The following PCDHGB1 variants were observed in gnomAD, a reference collection of about 807,000 sequenced individuals.
PCDHGB1 encodes protocadherin gamma-B1.
Under a neutral mutation model 56.6 loss-of-function variants are expected in PCDHGB1, and 34 were observed. The ratio of observed to expected loss-of-function variants is 0.60; its 90% CI spans 0.46 to 0.80. The LOEUF (loss-of-function observed/expected upper bound fraction) is 0.80, where lower values mean the gene tolerates loss of function less well. Ranked by LOEUF, PCDHGB1 falls within the 30% of genes least tolerant of loss-of-function variation. The probability of loss-of-function intolerance (pLI) is 0.00; values close to 1 mark genes in which losing one functional copy is unlikely to be tolerated. For missense variants in PCDHGB1, 1,278 were observed against 1,204.6 expected, an observed-to-expected ratio of 1.06 and a Z score of -0.90; for synonymous variants, 561 against 505.9, an observed-to-expected ratio of 1.11 and a Z score of -1.46.
At chr5:141,364,970 G>C in intron 1 of PCDHGB1, 2 of 1,613,914 alleles carry the variant, frequency 1.2e-6, no homozygotes, top group Non-Finnish European at 1.7e-6. Flanking sequence ...CCTCCTCACA[G>C]CTTTAGATGG....
chr5:141,375,966 C>T lies in PCDHGB1; in HGVS notation c.2409+23297C>T, dbSNP rs373365863. ...GGCCTGCACACGGGCGAGGTGCGCACGGCGCGCGCCCTGCTGGACAGAGAC... is the reference window on the plus strand; with the variant it reads ...GGCCTGCACACGGGCGAGGTGCGCATGGCGCGCGCCCTGCTGGACAGAGAC... On this transcript the variant is annotated intron_variant, in intron 1 of 3. Transcript: ENST00000523390. 30 of 1,613,374 alleles carry T rather than the reference C, an allele frequency of 1.9e-5. No individual in the cohort carries two copies. The Admixed American group carries it at 2.3e-4, about 13-fold the overall frequency.
chr5:141,389,771 C>T lies in PCDHGB1; in HGVS notation c.2409+37102C>T, dbSNP rs1239854891. 4 of 1,613,088 alleles carry T rather than the reference C, an allele frequency of 2.5e-6. No homozygotes were observed. The Admixed American group carries it at 5.0e-5, about 20-fold the overall frequency. ...CGGGCGAAGTGCGCACAGCGCGTGC[C>T]TTAGGCGACAGGGACGCCGTCCGCC... is the stretch of plus-strand genomic sequence containing the variant. On this transcript the variant is annotated intron_variant, in intron 1 of 3. Coordinates refer to ENST00000523390, the MANE Select transcript of PCDHGB1 (RefSeq NM_018922.3).
intron 1 of PCDHGB1, chr5:141,430,525 G>C (rs1354801907): frequency 3.3e-5 from 12 of 365,842 alleles, no homozygotes; most frequent in Admixed American, 1.3e-4. Context: ...GCAGTAATTG[G>C]TTAGGACTCT....
intron 1 of PCDHGB1, among the ~76,000 whole-genome samples, chr5:141,475,520 C>T (rs2099364531): frequency 6.6e-6 from 1 of 152,204 alleles, no homozygotes; most frequent in Non-Finnish European, 1.5e-5. Context: ...CACGGAAATG[C>T]TAAATGCCTC....
chr5:141,388,907 C>T (rs1321583045), intron 1 of PCDHGB1: 5 of 1,613,786 alleles, frequency 3.1e-6, no homozygotes, highest in African/African-American at 1.3e-5. Context: ...AAAATGACAA[C>T]GCCCCAGAAG....
At chr5:141,419,246 GAAAACAACCAGCC>G (rs749331717) in intron 1 of PCDHGB1, 1 of 1,614,004 alleles carries the variant, frequency 6.2e-7, no homozygotes, top group South Asian at 1.1e-5. Flanking sequence ...CCACGTGCCA[GAAAACAACCAGCC>G]GGGTGCCTCC....
rs371490086 is a variant in PCDHGB1, at chr5:141,405,329, G to T, written c.2409+52660G>T. 3 of 1,614,168 alleles carry T rather than the reference G, an allele frequency of 1.9e-6. No individual in the cohort carries two copies. Among genetic ancestry groups the T allele is most frequent in the Non-Finnish European group, 2.5e-6 (3 of 1,180,010 alleles). On this transcript the variant is annotated intron_variant, in intron 1 of 3. Coordinates refer to ENST00000523390, the MANE Select transcript of PCDHGB1 (RefSeq NM_018922.3). The stretch of plus-strand genomic sequence containing the variant: ...CTGTGAGAAAAATGAGCCTTTGTGC[G>T]TCTCTGTTGATTCCAAGTTTCCTAT...
intron 1 of PCDHGB1, chr5:141,374,044 T>C: frequency 6.8e-7 from 1 of 1,465,536 alleles, no homozygotes; most frequent in Non-Finnish European, 9.0e-7. Flanking sequence ...GATCTGTTCT[T>C]CCTCTTCTTA....
intron 1 of PCDHGB1, chr5:141,422,603 C>G: frequency 6.2e-7 from 1 of 1,614,078 alleles, no homozygotes; most frequent in Non-Finnish European, 8.5e-7. Context: ...TCCTCTTACT[C>G]TGCCTACATT....
In PCDHGB1 at chr5:141,485,792, G is replaced by A. The variant is rs114766079; in HGVS notation, c.2410-9015G>A. The A allele has an allele frequency of 6.2e-7, 1 of 1,614,236 alleles. No homozygotes were observed. Among genetic ancestry groups the A allele is most frequent in the East Asian group, 2.2e-5 (1 of 44,880 alleles). ...GCCTTTGGATCGAGAGAAGCAATCG[G>A]ACTACCGCCTGGTGCTGACTGCTGT... On this transcript the variant is annotated intron_variant, in intron 1 of 3. Coordinates refer to ENST00000523390, the MANE Select transcript of PCDHGB1 (RefSeq NM_018922.3). This position sits in a 1 kb window ranked among gnomAD's most constrained non-coding sequence, Gnocchi z 5.7.
intron 1 of PCDHGB1, among the ~76,000 whole-genome samples, chr5:141,425,997 A>T (rs1365887915): frequency 6.6e-6 from 1 of 152,174 alleles, no homozygotes; most frequent in African/African-American, 2.4e-5. Context: ...GAATTAGCAA[A>T]GGCTTCCGGC....
intron 1 of PCDHGB1, among the ~76,000 whole-genome samples, chr5:141,492,808 A>C (rs1261752522): frequency 6.6e-6 from 1 of 152,252 alleles, no homozygotes; most frequent in African/African-American, 2.4e-5. Flanking sequence ...CTGGGACTCC[A>C]GTGGCACCAG....
At chr5:141,355,389 A>G (rs911908895) in intron 1 of PCDHGB1, 2 of 1,614,068 alleles carry the variant, frequency 1.2e-6, no homozygotes, top group Non-Finnish European at 1.7e-6. Context: ...CGGAGCGCGG[A>G]GTCCGCATCG....
intron 1 of PCDHGB1, chr5:141,385,071 G>T (rs1325191501): frequency 6.2e-7 from 1 of 1,614,088 alleles, no homozygotes; most frequent in Non-Finnish European, 8.5e-7. Flanking sequence ...AGTCACGCCT[G>T]CTGCAGGCTT....
chr5:141,381,817 T>TTTC (rs1262770842), intron 1 of PCDHGB1, among the ~76,000 whole-genome samples: 10 of 136,280 alleles, frequency 7.3e-5, no homozygotes, highest in East Asian at 4.1e-4. Context: ...TCTTTCTTTC[T>TTTC]TTCTTCTTCT....
chr5:141,458,409 G>A (rs188300064), intron 1 of PCDHGB1, among the ~76,000 whole-genome samples: 2 of 152,126 alleles, frequency 1.3e-5, no homozygotes, highest in East Asian at 1.9e-4. Context: ...GAGACGGAGC[G>A]GGGGTTCCAA....
intron 1 of PCDHGB1, chr5:141,399,573 A>T (rs1431985190): frequency 6.2e-7 from 1 of 1,614,020 alleles, no homozygotes; most frequent in Admixed American, 1.7e-5. Flanking sequence ...TGAACGGCCA[A>T]GTCTCCTACT....
chr5:141,430,635 T>A, intron 1 of PCDHGB1: 3 of 881,948 alleles, frequency 3.4e-6, no homozygotes, highest in Non-Finnish European at 5.0e-6. Flanking sequence ...GAACCATCCC[T>A]GGGAGTATGT....
At chr5:141,416,287 T>A (rs2096012467) in intron 1 of PCDHGB1, 1 of 152,276 alleles carries the variant, frequency 6.6e-6, no homozygotes, top group Admixed American at 6.5e-5. Flanking sequence ...ATTCTCTAAT[T>A]TCACACTGCT....
Sources: allele counts gnomAD v4.1 joint callset (sites outside exome capture counted in the v4.1 genomes callset), GRCh38; gene constraint gnomAD v4.1.1; non-coding constraint Gnocchi (gnomAD v3.1); transcripts MANE v1.5; gene names NCBI Gene and HGNC (gene_info 2026-07-23, HGNC 2026-07-21).